ACOT1: variants seen among roughly 807,000 people sequenced by gnomAD.
ACOT1 encodes the protein acyl-CoA thioesterase 1.
ACOT1 carries 8 observed loss-of-function variants against 15.7 expected under a neutral mutation model. The observed-to-expected ratio is 0.51, with a 90% CI of 0.30 to 0.92. The LOEUF is 0.92. Among genes scored for constraint, ACOT1 ranks in the 40% least tolerant of loss-of-function variants. ACOT1 has a pLI of 0.06. For synonymous variants in ACOT1, 67 were observed against 241.2 expected, an observed-to-expected ratio of 0.28 and a Z score of 6.69; for missense variants, 151 against 539.4, an observed-to-expected ratio of 0.28 and a Z score of 7.13.
At chr14:73,496,768 A>G in the ACOT1 span, 1 of 743,824 alleles carries the variant, frequency 1.3e-6, no homozygotes, top group Non-Finnish European at 2.4e-6. Context: ...GAATCAGGTA[A>G]GAATCCCAAG....
chr14:73,514,267 C>T, the ACOT1 span: 1 of 1,597,254 alleles, frequency 6.3e-7, no homozygotes, highest in Admixed American at 1.7e-5. Context: ...GTCTTTTCAC[C>T]CCACTGCCTT....
the ACOT1 span, among the ~76,000 whole-genome samples, chr14:73,528,411 A>C: frequency 6.7e-6 from 1 of 148,628 alleles, no homozygotes; most frequent in Non-Finnish European, 1.5e-5. Context: ...AAAAAAAAAA[A>C]AAACTTAAGG....
chr14:73,511,199 C>T, the ACOT1 span, among the ~76,000 whole-genome samples: 1 of 152,066 alleles, frequency 6.6e-6, no homozygotes, highest in African/African-American at 2.4e-5. Context: ...AGGAGTGGCA[C>T]AGCTAAGCCC....
chr14:73,537,744 T>A lies in ACOT1; in HGVS notation c.323T>A (p.Val108Glu). The change falls in exon 1 of 3, where the codon GTG becomes GAG. Residue 108 changes from valine to glutamate, a missense_variant. Coordinates refer to ENST00000311148, the MANE Select transcript of ACOT1 (RefSeq NM_001037161.2). ...VRTPLAVELEVLDGHDPDPGR... is the reference protein window; with the variant it reads ...VRTPLAVELEELDGHDPDPGR... ...ACGCCCTTGGCCGTGGAGCTGGAGG[T>A]GCTGGATGGCCACGACCCCGACCCC... The A allele has an allele frequency of 3.2e-6, 4 of 1,242,872 alleles. 1 individual carries two copies. Among genetic ancestry groups the A allele is most frequent in the Non-Finnish European group, 4.3e-6 (4 of 938,360 alleles). 77.0% of individuals were successfully genotyped at this position (1,242,872 alleles called of 1,614,324 possible).
chr14:73,522,648 AG>A, the ACOT1 span: 2 of 1,614,092 alleles, frequency 1.2e-6, no homozygotes, highest in Admixed American at 3.3e-5. Flanking sequence ...GGATGCATGC[AG>A]GGATGATGGA....
At chr14:73,524,190 A>G in the ACOT1 span, among the ~76,000 whole-genome samples, 2 of 150,266 alleles carry the variant, frequency 1.3e-5, no homozygotes, top group Non-Finnish European at 3.0e-5. Flanking sequence ...TACTTGGGAG[A>G]TTGAGGCAGG....
chr14:73,512,384 C>G, the ACOT1 span, among the ~76,000 whole-genome samples: 5 of 152,184 alleles, frequency 3.3e-5, no homozygotes. Context: ...GTATCTATCT[C>G]TCTTTCTTTA....
the ACOT1 span, chr14:73,518,883 C>T: frequency 2.3e-5 from 16 of 709,432 alleles, no homozygotes; most frequent in African/African-American, 2.2e-4. Context: ...ATTTTTAGTA[C>T]GTAGAAAGGG....
the ACOT1 span, among the ~76,000 whole-genome samples, chr14:73,493,793 A>G: frequency 2.0e-5 from 3 of 152,332 alleles, no homozygotes; most frequent in South Asian, 4.1e-4. Flanking sequence ...AGCTGAGATC[A>G]TGCCACTGCA....
the ACOT1 span, among the ~76,000 whole-genome samples, chr14:73,525,691 G>A: frequency 0.03 from 4,613 of 152,260 alleles, 114 homozygotes; most frequent in Middle Eastern, 0.058. Context: ...GGTGGCTCAC[G>A]TCAGTAATCC....
chr14:73,506,804 G>GTTTT, the ACOT1 span, among the ~76,000 whole-genome samples: 71 of 80,484 alleles, frequency 8.8e-4, 11 homozygotes, highest in East Asian at 0.012. Flanking sequence ...GACTTTAACT[G>GTTTT]TTTTTTTTTT....
chr14:73,537,981 TTG>T lies in ACOT1; in HGVS notation c.457+113_457+114del, dbSNP rs1382898760. 2.7e-5 allele frequency: 26 copies of T among 967,396 alleles called. 6 individuals carry two copies. Among genetic ancestry groups the T allele is most frequent in the Non-Finnish European group, 3.5e-5 (26 of 752,402 alleles). The allele number at this position is 967,396 out of a possible 1,614,324, so 59.9% of individuals were successfully genotyped here. A position where few individuals can be genotyped will look rare whatever the true frequency, so the allele number is the denominator to read the frequency against. ...CTTCGCCCCGCCCCGCTCTTTTCGCTTGTGTGTGTGTCCCTCCTCCCGCCCCA... is the reference window on the plus strand; with the variant it reads ...CTTCGCCCCGCCCCGCTCTTTTCGCTTGTGTGTGTCCCTCCTCCCGCCCCA... On this transcript the variant is annotated intron_variant, in intron 1 of 2. Coordinates refer to ENST00000311148, the MANE Select transcript of ACOT1 (RefSeq NM_001037161.2).
At chr14:73,508,297 G>T in the ACOT1 span, 1 of 1,613,142 alleles carries the variant, frequency 6.2e-7, no homozygotes, top group South Asian at 1.1e-5. Flanking sequence ...ACTGTTACCT[G>T]CCACAGTTGG....
intron 1 of ACOT1, among the ~76,000 whole-genome samples, chr14:73,540,688 G>A (rs1213463515): frequency 2.5e-5 from 3 of 122,286 alleles, no homozygotes; most frequent in African/African-American, 2.8e-5. Context: ...GATGGTTTGC[G>A]GGTATCAGCA....
chr14:73,523,832 C>T, the ACOT1 span, among the ~76,000 whole-genome samples: 1 of 152,162 alleles, frequency 6.6e-6, no homozygotes, highest in Non-Finnish European at 1.5e-5. Context: ...TTATAAATTC[C>T]TCCTGGTCTG....
the ACOT1 span, chr14:73,514,331 T>TA: frequency 1.2e-4 from 135 of 1,089,726 alleles, no homozygotes; most frequent in Non-Finnish European, 1.8e-4. Flanking sequence ...TCCTGACTAA[T>TA]ACCAAAGCAA....
At chr14:73,525,120 C>T in the ACOT1 span, among the ~76,000 whole-genome samples, 1 of 152,154 alleles carries the variant, frequency 6.6e-6, no homozygotes, top group Non-Finnish European at 1.5e-5. Flanking sequence ...GCCTCAACCT[C>T]CTGGGCCCAA....
At chr14:73,501,398 T>G in the ACOT1 span, among the ~76,000 whole-genome samples, 1 of 151,970 alleles carries the variant, frequency 6.6e-6, no homozygotes, top group Non-Finnish European at 1.5e-5. Flanking sequence ...GTGCTGGGAT[T>G]ACAGGCATGA....
chr14:73,512,134 T>C, the ACOT1 span: 1 of 1,614,198 alleles, frequency 6.2e-7, no homozygotes, highest in Non-Finnish European at 8.5e-7. Flanking sequence ...TACTGTCTCA[T>C]GGTGCCACTC....
Sources: gnomAD v4.1 joint callset for allele counts (sites outside exome capture counted in the v4.1 genomes callset) on GRCh38, gnomAD v4.1.1 for gene constraint, MANE v1.5 for transcripts, NCBI Gene and HGNC (gene_info 2026-07-23, HGNC 2026-07-21) for gene names.